Variants in STXBP6 observed in about 807,000 individuals in gnomAD.
STXBP6 encodes the protein syntaxin-binding protein 6.
STXBP6 carries 21 observed loss-of-function variants against 26.9 expected under a neutral mutation model. The ratio of observed to expected loss-of-function variants is 0.78; its 90% CI spans 0.55 to 1.12. The LOEUF (loss-of-function observed/expected upper bound fraction) is 1.12. Among genes scored for constraint, STXBP6 ranks in the 50% most tolerant of loss-of-function variants. STXBP6 has a pLI of 0.00. For synonymous variants in STXBP6, 97 were observed against 92.6 expected, an observed-to-expected ratio of 1.05 and a Z score of -0.27; for missense variants, 232 against 257.9, an observed-to-expected ratio of 0.90 and a Z score of 0.69.
intron 1 of STXBP6, among the ~76,000 whole-genome samples, chr14:24,980,457 T>C (rs528082704): frequency 6.6e-6 from 1 of 152,346 alleles, no homozygotes; most frequent in African/African-American, 2.4e-5. Context: ...AACCAGTTTT[T>C]CCATGTAATT....
chr14:24,820,538 G>A (rs1440125526), intron 4 of STXBP6, among the ~76,000 whole-genome samples: 2 of 152,164 alleles, frequency 1.3e-5, no homozygotes, highest in East Asian at 3.8e-4. Context: ...AGGGAGCAGA[G>A]GAAATGCAGT....
intron 2 of STXBP6, among the ~76,000 whole-genome samples, chr14:24,884,232 G>C (rs758743291): frequency 1.1e-4 from 16 of 152,172 alleles, no homozygotes; most frequent in Non-Finnish European, 1.8e-4. Flanking sequence ...AGGTATACTA[G>C]AGAAAAACTA....
intron 1 of STXBP6, among the ~76,000 whole-genome samples, chr14:25,025,102 AC>A (rs1349974451): frequency 6.6e-6 from 1 of 152,226 alleles, no homozygotes. Context: ...AAAATGTGTT[AC>A]AAAAAGCCAA....
chr14:24,968,166 A>T (rs2140161624), intron 2 of STXBP6, among the ~76,000 whole-genome samples: 1 of 136,910 alleles, frequency 7.3e-6, no homozygotes, highest in South Asian at 2.3e-4. Flanking sequence ...TTTATATAAT[A>T]AAGAATATAT....
intron 2 of STXBP6, among the ~76,000 whole-genome samples, chr14:24,941,622 C>A (rs1056742873): frequency 6.6e-6 from 1 of 152,200 alleles, no homozygotes; most frequent in South Asian, 2.1e-4. Flanking sequence ...ACAAACCTAA[C>A]CAGAGTTTTG....
At chr14:24,928,903 A>G (rs1275939985) in intron 2 of STXBP6, among the ~76,000 whole-genome samples, 1 of 152,148 alleles carries the variant, frequency 6.6e-6, no homozygotes. Flanking sequence ...CAATCCAAGT[A>G]GTTTCCTTGT....
At chr14:24,969,778 G>A (rs1342367933) in intron 2 of STXBP6, among the ~76,000 whole-genome samples, 2 of 152,164 alleles carry the variant, frequency 1.3e-5, no homozygotes, top group Non-Finnish European at 2.9e-5. Context: ...CCAGACACAA[G>A]CACAGGTTTA....
At chr14:24,861,313 A>C (rs1018116661) in intron 2 of STXBP6, among the ~76,000 whole-genome samples, 13 of 152,148 alleles carry the variant, frequency 8.5e-5, no homozygotes, top group African/African-American at 2.9e-4. Flanking sequence ...AGGTAAAAAA[A>C]AGAGGCAGTA....
At chr14:25,027,220 T>C (rs1313612959) in intron 1 of STXBP6, among the ~76,000 whole-genome samples, 2 of 152,244 alleles carry the variant, frequency 1.3e-5, no homozygotes, top group Non-Finnish European at 2.9e-5. Flanking sequence ...AATTGAAGGT[T>C]TGTGGCAGCC....
chr14:25,041,720 C>A (rs981366858), intron 1 of STXBP6, among the ~76,000 whole-genome samples: 1 of 152,200 alleles, frequency 6.6e-6, no homozygotes, highest in African/African-American at 2.4e-5. Context: ...AATGACATGG[C>A]CACCTCTACC....
intron 1 of STXBP6, among the ~76,000 whole-genome samples, chr14:25,026,024 A>G (rs1053930016): frequency 6.6e-6 from 1 of 152,134 alleles, no homozygotes; most frequent in African/African-American, 2.4e-5. Context: ...TTGCCTTTAC[A>G]TTGACTTTAC....
At chr14:25,005,849 G>C (rs1167241639) in intron 1 of STXBP6, among the ~76,000 whole-genome samples, 1 of 151,536 alleles carries the variant, frequency 6.6e-6, no homozygotes, top group East Asian at 1.9e-4. Context: ...AATTCAACAT[G>C]TAAAAATGTA....
At chr14:25,039,753 C>T (rs1188387590) in intron 1 of STXBP6, among the ~76,000 whole-genome samples, 6 of 151,154 alleles carry the variant, frequency 4.0e-5, no homozygotes, top group African/African-American at 1.5e-4. Flanking sequence ...GTTGCCCAGG[C>T]TGGAGTGCAG....
intron 2 of STXBP6, among the ~76,000 whole-genome samples, chr14:24,884,682 C>T (rs1241637): frequency 0.54 from 81,868 of 151,992 alleles, 23,072 homozygotes; most frequent in African/African-American, 0.7. Flanking sequence ...CCTGGCAAAT[C>T]GATCTTCAAT....
chr14:24,954,801 G>A (rs1043352988), intron 2 of STXBP6, among the ~76,000 whole-genome samples: 17 of 152,316 alleles, frequency 1.1e-4, no homozygotes, highest in African/African-American at 3.8e-4. Context: ...TCTGAGGGCT[G>A]GGCCACAGCC....
intron 1 of STXBP6, among the ~76,000 whole-genome samples, chr14:25,044,132 C>A (rs2075686932): frequency 7.4e-6 from 1 of 135,806 alleles, no homozygotes. Flanking sequence ...AATTGTGCCA[C>A]TGCACTTCAG....
chr14:24,879,058 T>C (rs1170079629), intron 2 of STXBP6, among the ~76,000 whole-genome samples: 2 of 151,328 alleles, frequency 1.3e-5, no homozygotes, highest in African/African-American at 4.9e-5. Context: ...TCTAAGAAAA[T>C]AAACAACAAA....
At chr14:24,850,654 G>A (rs2069120766) in intron 4 of STXBP6, among the ~76,000 whole-genome samples, 2 of 152,118 alleles carry the variant, frequency 1.3e-5, no homozygotes, top group Admixed American at 1.3e-4. Context: ...TCATGGCAAT[G>A]TTTCACGTCT....
chr14:24,857,187 C>A (rs1186666030), intron 2 of STXBP6, 30 bp from the exon 3 acceptor site: 2 of 1,611,616 alleles, frequency 1.2e-6, no homozygotes, highest in Admixed American at 3.3e-5. Flanking sequence ...CAGATTAGTG[C>A]ACCTGCAAGT....
Sources: gnomAD v4.1 joint callset for allele counts (sites outside exome capture counted in the v4.1 genomes callset) on GRCh38, gnomAD v4.1.1 for gene constraint, MANE v1.5 for transcripts, NCBI Gene and HGNC (gene_info 2026-07-23, HGNC 2026-07-21) for gene names.